PHACTR1: variants seen among roughly 807,000 people sequenced by gnomAD.
PHACTR1 encodes RPEL repeat containing 1.
Under a neutral mutation model 69.2 loss-of-function variants are expected in PHACTR1, and 16 were observed. The observed-to-expected ratio is 0.23, with a 90% CI of 0.16 to 0.35. PHACTR1 has a LOEUF of 0.35. Among genes scored for constraint, PHACTR1 ranks in the 10% least tolerant of loss-of-function variants. The pLI is 1.00. For missense variants in PHACTR1, 510 were observed against 734.7 expected (o/e 0.69, Z 3.54); for synonymous variants, 312 against 284.5 (o/e 1.10, Z -0.97).
At chr6:12,881,866 A>T (rs372334048) in intron 4 of PHACTR1, among the ~76,000 whole-genome samples, 9 of 152,220 alleles carry the variant, frequency 5.9e-5, no homozygotes, top group Non-Finnish European at 1.2e-4. Context: ...AAAGGTCAGG[A>T]TCCAACCCCT....
At chr6:12,838,135 C>T (rs909330269) in intron 4 of PHACTR1, among the ~76,000 whole-genome samples, 10 of 152,194 alleles carry the variant, frequency 6.6e-5, no homozygotes, top group African/African-American at 2.2e-4. Context: ...CAAGTGAAAG[C>T]GTTTTCCTAT....
chr6:13,195,757 CAAAAA>C (rs869092852), intron 7 of PHACTR1, among the ~76,000 whole-genome samples: 11 of 41,498 alleles, frequency 2.7e-4, no homozygotes, highest in African/African-American at 3.4e-4. Flanking sequence ...GACACCGTCT[CAAAAA>C]AAAAAAAAAA....
intron 4 of PHACTR1, among the ~76,000 whole-genome samples, chr6:12,791,199 A>C (rs977406291): frequency 1.3e-4 from 20 of 152,356 alleles, no homozygotes; most frequent in African/African-American, 4.3e-4. Context: ...TTCCGTCTGC[A>C]GAAGGAGAAG....
intron 5 of PHACTR1, among the ~76,000 whole-genome samples, chr6:13,107,086 TTCTCTC>T (rs35821925): frequency 1.3e-5 from 2 of 150,532 alleles, no homozygotes; most frequent in African/African-American, 4.9e-5. Context: ...AGATGTTTCC[TTCTCTC>T]TCTCTCTCTC....
chr6:12,778,894 C>T (rs1770441263), intron 4 of PHACTR1, among the ~76,000 whole-genome samples: 1 of 152,196 alleles, frequency 6.6e-6, no homozygotes, highest in African/African-American at 2.4e-5. Context: ...AAAGGGTCCC[C>T]CCTCCCCTGC....
intron 4 of PHACTR1, among the ~76,000 whole-genome samples, chr6:12,929,169 C>A (rs1788604520): frequency 6.6e-6 from 1 of 152,166 alleles, no homozygotes; most frequent in Admixed American, 6.5e-5. Context: ...AGGAGGGACC[C>A]CTTGCCTAAA....
At chr6:12,767,117 A>T (rs991604081) in intron 4 of PHACTR1, among the ~76,000 whole-genome samples, 1 of 152,230 alleles carries the variant, frequency 6.6e-6, no homozygotes, top group African/African-American at 2.4e-5. Context: ...CAGGTGGGTC[A>T]GCGTCCCAAC....
At chr6:12,816,987 T>C (rs369769961) in intron 4 of PHACTR1, among the ~76,000 whole-genome samples, 20 of 152,074 alleles carry the variant, frequency 1.3e-4, no homozygotes, top group African/African-American at 7.2e-5. Flanking sequence ...AGACACAGGG[T>C]TGTGTGTGTG....
chr6:13,202,305 C>A (rs572299576), intron 7 of PHACTR1, among the ~76,000 whole-genome samples: 1 of 152,146 alleles, frequency 6.6e-6, no homozygotes, highest in Non-Finnish European at 1.5e-5. Context: ...ATCACTGCTC[C>A]TTCCTAGGCA....
rs79103452 is a variant in PHACTR1 at position 12,895,827 on chromosome 6, G to A, written c.250+146037G>A. On this transcript the variant is annotated intron_variant, in intron 4 of 14. Coordinates refer to ENST00000332995, the MANE Select transcript of PHACTR1 (RefSeq NM_030948.6). ...ATTCTGCCTTCATTGGTCTGGGTAG[G>A]TCTCACCCACAAGGATTTTCCAGAA... is the stretch of plus-strand genomic sequence containing the variant. Among the ~76,000 whole-genome samples the A allele has an allele frequency of 7.5e-3, 1,136 of 152,268 alleles. 13 individuals carry two copies. The highest frequency in any genetic ancestry group is 0.026 in the African/African-American group (1,088 of 41,542).
chr6:12,867,398 A>T (rs1781568015), intron 4 of PHACTR1, among the ~76,000 whole-genome samples: 4 of 152,232 alleles, frequency 2.6e-5, no homozygotes, highest in Admixed American at 2.0e-4. Context: ...ATAATGTACA[A>T]GTTATTCCTA....
chr6:13,271,072 A>G (rs1350727396), intron 10 of PHACTR1, among the ~76,000 whole-genome samples: 1 of 150,188 alleles, frequency 6.7e-6, no homozygotes, highest in Non-Finnish European at 1.5e-5. Flanking sequence ...GCAGTGGCGC[A>G]ATGTCGGCTC....
At chr6:12,926,063 C>G (rs1026500237) in intron 4 of PHACTR1, among the ~76,000 whole-genome samples, 1 of 152,064 alleles carries the variant, frequency 6.6e-6, no homozygotes, top group Non-Finnish European at 1.5e-5. Flanking sequence ...TGGCTTTTGC[C>G]TTTACCTTGC....
At chr6:13,134,857 C>T (rs1217135317) in intron 5 of PHACTR1, among the ~76,000 whole-genome samples, 1 of 149,210 alleles carries the variant, frequency 6.7e-6, no homozygotes, top group African/African-American at 2.5e-5. Context: ...GGGGACTCTA[C>T]GTCCATTTCA....
intron 5 of PHACTR1, among the ~76,000 whole-genome samples, chr6:13,144,187 G>C (rs1307544844): frequency 6.6e-6 from 1 of 152,170 alleles, no homozygotes; most frequent in Non-Finnish European, 1.5e-5. Context: ...CTTCTGTTCA[G>C]CATGACACTA....
Position 12,762,906 on chromosome 6 carries a change from C to T in PHACTR1, c.250+13116C>T, listed in dbSNP as rs145389880. On this transcript the variant is annotated intron_variant, in intron 4 of 14. Transcript: ENST00000332995. ...CCAAAATCTGAGTCAAACCACGTCA[C>T]GACTTGTTTCATAGAACAGCAGTCA... 3.2e-3 allele frequency among the ~76,000 whole-genome samples: 484 copies of T among 152,256 alleles called. 4 individuals carry two copies. The highest frequency in any genetic ancestry group is 0.011 in the African/African-American group (460 of 41,538).
chr6:12,780,315 G>A (rs1001738610), intron 4 of PHACTR1, among the ~76,000 whole-genome samples: 8 of 151,978 alleles, frequency 5.3e-5, no homozygotes, highest in African/African-American at 1.7e-4. Context: ...TCCATTGTGT[G>A]TGCGTGTGCA....
chr6:13,261,280 A>C (rs1775874844), intron 10 of PHACTR1, among the ~76,000 whole-genome samples: 1 of 152,224 alleles, frequency 6.6e-6, no homozygotes, highest in Admixed American at 6.5e-5. Context: ...GTTGTTTTAA[A>C]GAGTTTTATT....
chr6:12,759,422 A>G (rs1767771625), intron 4 of PHACTR1, among the ~76,000 whole-genome samples: 1 of 147,648 alleles, frequency 6.8e-6, no homozygotes, highest in African/African-American at 2.6e-5. Flanking sequence ...GGCTAATCCT[A>G]AACTCAGAAA....
Sources: allele counts gnomAD v4.1 joint callset (sites outside exome capture counted in the v4.1 genomes callset), GRCh38; gene constraint gnomAD v4.1.1; transcripts MANE v1.5; gene names NCBI Gene and HGNC (gene_info 2026-07-23, HGNC 2026-07-21).